CADM2: variants seen among roughly 807,000 people sequenced by gnomAD.
CADM2 encodes the protein cell adhesion molecule 2, also known as immunoglobulin superfamily member 4D.
A neutral mutation model predicts 49.8 loss-of-function variants in CADM2; 12 were observed. That is an observed-to-expected ratio of 0.24 (90% CI 0.15 to 0.39). The LOEUF is 0.39. Among genes scored for constraint, CADM2 ranks in the 10% least tolerant of loss-of-function variants. The probability of loss-of-function intolerance (pLI) is 1.00; values close to 1 mark genes in which losing one functional copy is unlikely to be tolerated. For missense variants in CADM2, 378 were observed against 492.3 expected (o/e 0.77, Z 2.20); for synonymous variants, 214 against 175.4 (o/e 1.22, Z -1.74).
chr3:85,730,573 A>G (rs143735613), intron 2 of CADM2, among the ~76,000 whole-genome samples: 3 of 152,316 alleles, frequency 2.0e-5, no homozygotes, highest in South Asian at 2.1e-4. Flanking sequence ...ATACAAGTCT[A>G]TCCTACATTT....
At chr3:84,980,167 A>G (rs914215347) in intron 1 of CADM2, among the ~76,000 whole-genome samples, 1 of 152,214 alleles carries the variant, frequency 6.6e-6, no homozygotes, top group Non-Finnish European at 1.5e-5. Context: ...GTCAGTCCTC[A>G]GACTAATTCA....
intron 2 of CADM2, among the ~76,000 whole-genome samples, chr3:85,742,226 T>G (rs928848537): frequency 6.6e-6 from 1 of 152,244 alleles, no homozygotes; most frequent in Non-Finnish European, 1.5e-5. Flanking sequence ...TAGTGGTTCC[T>G]ATGCCAGGTT....
chr3:85,175,273 T>G (rs1016174883), intron 1 of CADM2, among the ~76,000 whole-genome samples: 2 of 152,164 alleles, frequency 1.3e-5, no homozygotes, highest in African/African-American at 4.8e-5. Context: ...TGTCAGTGCA[T>G]GCACCCCCCG....
chr3:85,833,757 C>T (rs1047299882), intron 3 of CADM2, among the ~76,000 whole-genome samples: 1 of 151,518 alleles, frequency 6.6e-6, no homozygotes, highest in Non-Finnish European at 1.5e-5. Flanking sequence ...ATTAATATAG[C>T]TTTGTTACAG....
intron 8 of CADM2, among the ~76,000 whole-genome samples, chr3:86,059,838 T>C (rs1461708801): frequency 6.6e-6 from 1 of 152,058 alleles, no homozygotes; most frequent in Admixed American, 6.6e-5. Context: ...TTGCTAAGAA[T>C]AAAAACTTAA....
rs1457909677 is a variant in CADM2, at chr3:85,014,850, G to A, written c.61+55182G>A. 5.3e-5 allele frequency among the ~76,000 whole-genome samples: 8 copies of A among 152,220 alleles called. 1 individual carries two copies. In the South Asian group the frequency reaches 8.3e-4, roughly 16 times the overall value. On this transcript the variant is annotated intron_variant, in intron 1 of 9. Coordinates refer to ENST00000383699, the MANE Select transcript of CADM2 (RefSeq NM_001167675.2). ...CTTTCGGGCACGCAAAACAACTCTG[G>A]TACAAGGGACTACATAGGATGTGAA...
intron 1 of CADM2, among the ~76,000 whole-genome samples, chr3:85,492,694 G>T (rs1307059348): frequency 5.3e-5 from 8 of 152,112 alleles, no homozygotes; most frequent in African/African-American, 1.4e-4. Context: ...TTGTAGTATA[G>T]CAAAGATAAT....
At chr3:85,859,224 C>T (rs192267675) in intron 3 of CADM2, among the ~76,000 whole-genome samples, 87 of 70,546 alleles carry the variant, frequency 1.2e-3, no homozygotes, top group South Asian at 2.5e-3. Flanking sequence ...TTTTTTTTGT[C>T]TTTTTTTTTT....
chr3:85,072,005 C>G (rs981008494), intron 1 of CADM2, among the ~76,000 whole-genome samples: 9 of 150,776 alleles, frequency 6.0e-5, no homozygotes, highest in East Asian at 5.8e-4. Context: ...TAAACTGTAA[C>G]AGCAATAAAA....
chr3:85,310,090 TTAA>T (rs1359572695), intron 1 of CADM2, among the ~76,000 whole-genome samples: 1 of 152,190 alleles, frequency 6.6e-6, no homozygotes. Flanking sequence ...AGAAAAGGCT[TTAA>T]TAATAAATAG....
intron 1 of CADM2, among the ~76,000 whole-genome samples, chr3:85,155,489 T>C (rs925816150): frequency 4.6e-5 from 7 of 152,082 alleles, no homozygotes; most frequent in African/African-American, 7.2e-5. Context: ...ACATTAATAA[T>C]GGGAGACTTT....
intron 7 of CADM2, among the ~76,000 whole-genome samples, chr3:85,937,270 A>C (rs576246115): frequency 6.6e-6 from 1 of 152,006 alleles, no homozygotes; most frequent in South Asian, 2.1e-4. Flanking sequence ...AATCCTCTGC[A>C]CTGCAGATGA....
At chr3:85,746,269 C>T (rs1014094054) in intron 2 of CADM2, among the ~76,000 whole-genome samples, 1 of 152,140 alleles carries the variant, frequency 6.6e-6, no homozygotes, top group Non-Finnish European at 1.5e-5. Flanking sequence ...CCTTCTTGCT[C>T]ATTTCTGATT....
At chr3:85,657,664 A>T (rs1299479237) in intron 1 of CADM2, among the ~76,000 whole-genome samples, 1 of 148,786 alleles carries the variant, frequency 6.7e-6, no homozygotes, top group Non-Finnish European at 1.5e-5. Flanking sequence ...GTATACATAT[A>T]TATGTATATA....
chr3:85,210,821 A>G (rs907300495), intron 1 of CADM2, among the ~76,000 whole-genome samples: 14 of 152,282 alleles, frequency 9.2e-5, no homozygotes, highest in Admixed American at 2.0e-4. Context: ...GATTACAGGC[A>G]TGAGGCACCA....
intron 1 of CADM2, among the ~76,000 whole-genome samples, chr3:85,574,527 G>A (rs1336198625): frequency 2.0e-5 from 3 of 152,156 alleles, no homozygotes; most frequent in Admixed American, 6.5e-5. Context: ...AGGGCAAAAA[G>A]TGTTCCCTGG....
In CADM2 at chr3:86,070,913, C is replaced by T. The variant is rs1229081311; in HGVS notation, c.*4130C>T. The T allele has an allele frequency of 6.6e-6, 1 of 151,808 alleles. No individual in the cohort carries two copies. The highest frequency in any genetic ancestry group is 2.4e-5 in the African/African-American group (1 of 41,396). The allele number at this position is 151,808 out of a possible 1,614,324, so 9.4% of individuals were successfully genotyped here. A position where few individuals can be genotyped will look rare whatever the true frequency, so the allele number is the denominator to read the frequency against. ...TACACTGGCAATATTGAAATATACT[C>T]AGTGCAATATCTGCAGTTCTATTGC... On this transcript the variant is annotated 3_prime_UTR_variant, in exon 10 of 10. Coordinates refer to ENST00000383699, the MANE Select transcript of CADM2 (RefSeq NM_001167675.2).
intron 1 of CADM2, among the ~76,000 whole-genome samples, chr3:85,297,838 G>T (rs1175565649): frequency 6.6e-6 from 1 of 151,898 alleles, no homozygotes; most frequent in Non-Finnish European, 1.5e-5. Flanking sequence ...ATATAACCTT[G>T]TCAAGGGCAA....
At chr3:85,923,732 A>G (rs1024796061) in intron 6 of CADM2, among the ~76,000 whole-genome samples, 1 of 152,204 alleles carries the variant, frequency 6.6e-6, no homozygotes, top group African/African-American at 2.4e-5. Flanking sequence ...ATTGTCCAAT[A>G]TAACTTTCTG....
Sources: allele counts gnomAD v4.1 joint callset (sites outside exome capture counted in the v4.1 genomes callset), GRCh38; gene constraint gnomAD v4.1.1; transcripts MANE v1.5; gene names NCBI Gene and HGNC (gene_info 2026-07-23, HGNC 2026-07-21).